KIF13A: variants seen among roughly 807,000 people sequenced by gnomAD.
KIF13A encodes the protein kinesin-like protein KIF13A.
A neutral mutation model predicts 212.2 loss-of-function variants in KIF13A; 79 were observed. The ratio of observed to expected loss-of-function variants is 0.37; its 90% CI spans 0.31 to 0.45. The LOEUF (loss-of-function observed/expected upper bound fraction) is 0.45. KIF13A is among the 20% of genes least tolerant of loss of function. KIF13A has a pLI of 1.00. For missense variants in KIF13A, 1,901 were observed against 2,209.0 expected (o/e 0.86, Z 2.79); for synonymous variants, 789 against 808.6 (o/e 0.98, Z 0.41).
At chr6:17,819,101 G>T (rs1373464534) in intron 16 of KIF13A, among the ~76,000 whole-genome samples, 1 of 149,534 alleles carries the variant, frequency 6.7e-6, no homozygotes, top group Non-Finnish European at 1.5e-5. Context: ...CCAGGTTCAA[G>T]CCATTCTCCT....
intron 2 of KIF13A, among the ~76,000 whole-genome samples, chr6:17,964,534 G>GT (rs1159403754): frequency 6.6e-6 from 1 of 152,086 alleles, no homozygotes; most frequent in Non-Finnish European, 1.5e-5. Flanking sequence ...ATAAAAATCA[G>GT]TAGAAAAGTC....
Position 17,899,463 on chromosome 6 carries a change from G to A in KIF13A, c.147-1283C>T, listed in dbSNP as rs1451003088. Among the ~76,000 whole-genome samples, 1 of 152,174 alleles carries A rather than the reference G, an allele frequency of 6.6e-6. No individual in the cohort carries two copies. Among genetic ancestry groups the A allele is most frequent in the East Asian group, 1.9e-4 (1 of 5,192 alleles). ...GGATGCTTTTTCTCCATCACTGGGT[G>A]CGACACTCCTTACAGAGCTCTGAGG... On this transcript the variant is annotated intron_variant, in intron 2 of 38. Coordinates refer to ENST00000259711, the MANE Select transcript of KIF13A (RefSeq NM_022113.6). This position sits in a 1 kb window ranked among gnomAD's most constrained non-coding sequence, Gnocchi z 5.2.
chr6:17,951,404 T>C lies in KIF13A; in HGVS notation c.146+35650A>G. 1.6e-6 allele frequency: 1 copy of C among 611,504 alleles called. No individual in the cohort carries two copies. The highest frequency in any genetic ancestry group is 2.9e-6 in the Non-Finnish European group (1 of 339,822). The allele number at this position is 611,504 out of a possible 1,614,324, so 37.9% of individuals were successfully genotyped here. A position where few individuals can be genotyped will look rare whatever the true frequency, so the allele number is the denominator to read the frequency against. On this transcript the variant is annotated intron_variant, in intron 2 of 38. Transcript: ENST00000259711. The surrounding 1 kb of genome is among the most constrained non-coding windows in gnomAD (Gnocchi z 4.9). ...CCTTGGCCTCCCAAAGTGCTGGAATTAGAGATGTGAGCCACTGTGACCAGC... is the reference window on the plus strand; with the variant it reads ...CCTTGGCCTCCCAAAGTGCTGGAATCAGAGATGTGAGCCACTGTGACCAGC...
In KIF13A at chr6:17,987,377, G is replaced by A. The variant is rs937180674; in HGVS notation, c.55+32C>T. On this transcript the variant is annotated intron_variant, in intron 1 of 38. Coordinates refer to ENST00000259711, the MANE Select transcript of KIF13A (RefSeq NM_022113.6). This position sits in a 1 kb window ranked among gnomAD's most constrained non-coding sequence, Gnocchi z 7.7. The stretch of plus-strand genomic sequence containing the variant: ...AAAGTTGCCCCCGCCCTCAGCCCGA[G>A]CAGAAATAAAAAAGAGCGGAAAGCT... 1 of 1,336,142 alleles carries A rather than the reference G, an allele frequency of 7.5e-7. No individual in the cohort carries two copies. Among genetic ancestry groups the A allele is most frequent in the East Asian group, 4.8e-5 (1 of 21,024 alleles). The allele number at this position is 1,336,142 out of a possible 1,614,324, so 82.8% of individuals were successfully genotyped here. A position where few individuals can be genotyped will look rare whatever the true frequency, so the allele number is the denominator to read the frequency against.
At chr6:17,978,595 A>T (rs368598011) in intron 2 of KIF13A, among the ~76,000 whole-genome samples, 7 of 152,242 alleles carry the variant, frequency 4.6e-5, no homozygotes, top group African/African-American at 1.4e-4. Context: ...CTTTGCAGGT[A>T]ATATTCAGAA....
At position 17,871,541 on chromosome 6, in the gene KIF13A, G is replaced by A. The variant is rs1380791619; in HGVS notation, c.220+1836C>T. Reference sequence around the variant, plus strand: ...GCACACACACAGTGGGTTGGGGGGGGAGTCATGAATACTTAAAAAATTATT... The same window carrying A: ...GCACACACACAGTGGGTTGGGGGGGAAGTCATGAATACTTAAAAAATTATT... On this transcript the variant is annotated intron_variant, in intron 4 of 38. Coordinates refer to ENST00000259711, the MANE Select transcript of KIF13A (RefSeq NM_022113.6). This position sits in a 1 kb window ranked among gnomAD's most constrained non-coding sequence, Gnocchi z 4.4. 6.6e-6 allele frequency among the ~76,000 whole-genome samples: 1 copy of A among 152,106 alleles called. No homozygotes were observed. The highest frequency in any genetic ancestry group is 2.4e-5 in the African/African-American group (1 of 41,408).
At chr6:17,954,938 T>C (rs574990294) in intron 2 of KIF13A, among the ~76,000 whole-genome samples, 1 of 152,242 alleles carries the variant, frequency 6.6e-6, no homozygotes, top group African/African-American at 2.4e-5. Context: ...CTTGGCCTCC[T>C]AAAGCACTGG....
At chr6:17,938,579 G>T (rs925378018) in intron 2 of KIF13A, among the ~76,000 whole-genome samples, 1 of 152,058 alleles carries the variant, frequency 6.6e-6, no homozygotes, top group Non-Finnish European at 1.5e-5. Context: ...CTTATGACTT[G>T]ATCTAAAACA....
rs530449808 is a variant in KIF13A at position 17,817,315 on chromosome 6, G to T, written c.1787-82C>A. On this transcript the variant is annotated intron_variant, in intron 16 of 38. Transcript: ENST00000259711. ...TGCCAGGCACTGCAGCCTGTGGGAG[G>T]CTTCCTCTAGCAAGGAATCTAGCCA... 19 of 1,201,546 alleles carry T rather than the reference G, an allele frequency of 1.6e-5. No individual in the cohort carries two copies. The East Asian group carries it at 4.4e-4, about 28-fold the overall frequency. 74.4% of individuals were successfully genotyped at this position (1,201,546 alleles called of 1,614,324 possible).
At chr6:17,958,346 T>C (rs1426644847) in intron 2 of KIF13A, among the ~76,000 whole-genome samples, 1 of 152,278 alleles carries the variant, frequency 6.6e-6, no homozygotes, top group Non-Finnish European at 1.5e-5. Context: ...TCAGCAGTAA[T>C]GTTCCTCCCA....
At chr6:17,969,783 A>G (rs892032358) in intron 2 of KIF13A, among the ~76,000 whole-genome samples, 5 of 152,180 alleles carry the variant, frequency 3.3e-5, no homozygotes, top group African/African-American at 1.2e-4. Flanking sequence ...TTTGGCATTC[A>G]TTTACTGACC....
At chr6:17,923,570 T>C (rs563091189) in intron 2 of KIF13A, among the ~76,000 whole-genome samples, 1 of 151,954 alleles carries the variant, frequency 6.6e-6, no homozygotes, top group South Asian at 2.1e-4. Flanking sequence ...CTTAGTTTTC[T>C]TCATGTTTGC....
chr6:17,917,899 A>G (rs564993849), intron 2 of KIF13A, among the ~76,000 whole-genome samples: 5 of 152,204 alleles, frequency 3.3e-5, no homozygotes, highest in African/African-American at 1.2e-4. Context: ...CCAAGAATTC[A>G]TAACACTTCC....
intron 4 of KIF13A, among the ~76,000 whole-genome samples, chr6:17,866,523 C>T (rs928239192): frequency 2.0e-5 from 3 of 152,028 alleles, no homozygotes; most frequent in African/African-American, 7.2e-5. Context: ...AGCAGGGCTT[C>T]GCTAAACCTC....
chr6:17,832,827 C>T (rs1765563358), intron 12 of KIF13A, among the ~76,000 whole-genome samples: 1 of 151,328 alleles, frequency 6.6e-6, no homozygotes, highest in Non-Finnish European at 1.5e-5. Context: ...GCTGGGGCAA[C>T]ACGGTGAAAC....
chr6:17,908,919 C>T (rs540816238), intron 2 of KIF13A, among the ~76,000 whole-genome samples: 3 of 152,296 alleles, frequency 2.0e-5, no homozygotes, highest in African/African-American at 7.2e-5. Flanking sequence ...ACAATCCTAG[C>T]TCTGCCTTGA....
At chr6:17,798,964 T>A (rs897784134) in intron 22 of KIF13A, among the ~76,000 whole-genome samples, 1 of 152,220 alleles carries the variant, frequency 6.6e-6, no homozygotes, top group South Asian at 2.1e-4. Context: ...AAAGGGTGTA[T>A]GTACATATGT....
chr6:17,949,411 T>C (rs1019625831), intron 2 of KIF13A, among the ~76,000 whole-genome samples: 2 of 152,142 alleles, frequency 1.3e-5, no homozygotes, highest in Non-Finnish European at 2.9e-5. Flanking sequence ...TACTGAGTGA[T>C]TAGAGAAATA....
chr6:17,951,389 C>T lies in KIF13A; in HGVS notation c.146+35665G>A. On this transcript the variant is annotated intron_variant, in intron 2 of 38. Coordinates refer to ENST00000259711, the MANE Select transcript of KIF13A (RefSeq NM_022113.6). This position sits in a 1 kb window ranked among gnomAD's most constrained non-coding sequence, Gnocchi z 4.9. Reference sequence around the variant, plus strand: ...CAAGTGATCCTCTTGCCTTGGCCTCCCAAAGTGCTGGAATTAGAGATGTGA... The same window carrying T: ...CAAGTGATCCTCTTGCCTTGGCCTCTCAAAGTGCTGGAATTAGAGATGTGA... The T allele has an allele frequency of 3.2e-6, 2 of 625,766 alleles. No individual in the cohort carries two copies. The highest frequency in any genetic ancestry group is 1.8e-5 in the South Asian group (1 of 56,214). The allele number at this position is 625,766 out of a possible 1,614,324, so 38.8% of individuals were successfully genotyped here. A position where few individuals can be genotyped will look rare whatever the true frequency, so the allele number is the denominator to read the frequency against.
Sources: gnomAD v4.1 joint callset for allele counts (sites outside exome capture counted in the v4.1 genomes callset) on GRCh38, gnomAD v4.1.1 for gene constraint, Gnocchi (gnomAD v3.1) non-coding constraint, MANE v1.5 for transcripts, NCBI Gene and HGNC (gene_info 2026-07-23, HGNC 2026-07-21) for gene names.